The following EML6 variants were observed in gnomAD, a reference collection of about 807,000 sequenced individuals.
EML6 encodes the protein EMAP like 6.
Under a neutral mutation model 240.1 loss-of-function variants are expected in EML6, and 154 were observed. That is an observed-to-expected ratio of 0.64 (90% confidence interval 0.56 to 0.73). The LOEUF (loss-of-function observed/expected upper bound fraction) is 0.73. Ranked by LOEUF, EML6 falls within the 30% of genes least tolerant of loss-of-function variation. EML6 has a pLI of 0.00. For missense variants in EML6, 2,964 were observed against 2,474.6 expected, an observed-to-expected ratio of 1.20 and a Z score of -4.20; for synonymous variants, 1,148 against 899.0, an observed-to-expected ratio of 1.28 and a Z score of -4.95.
chr2:54,801,489 C>T (rs1413036559), intron 2 of EML6, among the ~76,000 whole-genome samples: 2 of 152,176 alleles, frequency 1.3e-5, no homozygotes, highest in Non-Finnish European at 1.5e-5. Context: ...TTTATTCATG[C>T]TTGACTCTCC....
rs767352466 is a variant in EML6, at chr2:54,772,232, C to G, written c.198-41000C>G. Among the ~76,000 whole-genome samples the G allele has an allele frequency of 6.6e-5, 10 of 152,194 alleles. No homozygotes were observed. The South Asian group carries it at 2.1e-3, about 31-fold the overall frequency. ...GTTCATGATTCTTGTGATGAAAGAG[C>G]TTCCAATCTAATAGGAGAAAGTGTT... On this transcript the variant is annotated intron_variant, in intron 2 of 41. Coordinates refer to ENST00000356458, the MANE Select transcript of EML6 (RefSeq NM_001039753.4).
chr2:54,959,036 G>C (rs1676368850), intron 33 of EML6, 68 bp from the exon 34 acceptor site: 1 of 1,430,262 alleles, frequency 7.0e-7, no homozygotes, highest in Non-Finnish European at 9.4e-7. Context: ...CTTAATGAGA[G>C]AACGGGTGGC....
rs540579574 is a variant in EML6 at position 54,788,520 on chromosome 2, GC to G, written c.198-24706del. Among the ~76,000 whole-genome samples, 11 of 152,254 alleles carry G rather than the reference GC, an allele frequency of 7.2e-5. No individual in the cohort carries two copies. The South Asian group carries it at 1.7e-3, about 23-fold the overall frequency. On this transcript the variant is annotated intron_variant, in intron 2 of 41. Transcript: ENST00000356458. ...AGAAACACTATAAACATCTGGGGCC[GC>G]CCCCCGCCCCAGCAGGTCTAGAATC...
At chr2:54,860,238 C>T (rs1015237168) in intron 12 of EML6, among the ~76,000 whole-genome samples, 1 of 152,114 alleles carries the variant, frequency 6.6e-6, no homozygotes, top group African/African-American at 2.4e-5. Flanking sequence ...TCTAGGTTAC[C>T]CGTGGACTGG....
At chr2:54,839,428 T>C (rs1367008471) in intron 7 of EML6, among the ~76,000 whole-genome samples, 1 of 152,204 alleles carries the variant, frequency 6.6e-6, no homozygotes, top group Admixed American at 6.5e-5. Flanking sequence ...ACTTGTCTGA[T>C]GTGACAAAAG....
chr2:54,831,972 A>G (rs947497702), intron 7 of EML6, among the ~76,000 whole-genome samples: 4 of 152,160 alleles, frequency 2.6e-5, no homozygotes, highest in African/African-American at 9.7e-5. Flanking sequence ...TTTGCTTTAA[A>G]CTAATATTTG....
chr2:54,906,805 T>C (rs1451513537), intron 24 of EML6, among the ~76,000 whole-genome samples: 1 of 152,220 alleles, frequency 6.6e-6, no homozygotes, highest in Admixed American at 6.5e-5. Context: ...CCAAAATGCC[T>C]GATCTCGAGA....
Position 54,892,647 on chromosome 2 carries a change from A to C in EML6, c.2733A>C (p.Ala911=), listed in dbSNP as rs1273237804. Residue 911 remains alanine, a synonymous_variant, in exon 19 of 42, where the codon GCA becomes GCC. Transcript: ENST00000356458. ...ATGGGCCTGTGTTTGCTATGTATGC[A>C]CTGGATAAGGTATGGCCTGTGTATC... ...AHDGPVFAMY[A]LDKGFVTGGK... is the part of the protein sequence containing the mutation. 1 of 1,551,104 alleles carries C rather than the reference A, an allele frequency of 6.4e-7. No homozygotes were observed. The highest frequency in any genetic ancestry group is 2.0e-5 in the Admixed American group (1 of 50,978).
chr2:54,956,866 CA>C (rs1227815219), intron 32 of EML6, among the ~76,000 whole-genome samples: 2 of 151,806 alleles, frequency 1.3e-5, no homozygotes, highest in African/African-American at 4.8e-5. Context: ...AGGTTTAAAA[CA>C]AAAATTTAAA....
At chr2:54,810,553 G>C (rs118165244) in intron 2 of EML6, among the ~76,000 whole-genome samples, 1 of 152,190 alleles carries the variant, frequency 6.6e-6, no homozygotes, top group Non-Finnish European at 1.5e-5. Context: ...TAGAAGCTGT[G>C]ATCACAGCAA....
At chr2:54,932,438 C>T (rs1032042690) in intron 28 of EML6, among the ~76,000 whole-genome samples, 4 of 152,190 alleles carry the variant, frequency 2.6e-5, no homozygotes, top group African/African-American at 9.7e-5. Flanking sequence ...CATCCCCAGC[C>T]GACTTGACGC....
chr2:54,927,775 A>G (rs536683455), intron 26 of EML6, among the ~76,000 whole-genome samples: 61 of 152,344 alleles, frequency 4.0e-4, no homozygotes, highest in African/African-American at 9.9e-4. Context: ...CTTTAAATCA[A>G]TGTTTGCGTG....
chr2:54,861,860 A>C (rs1327997355), intron 12 of EML6, among the ~76,000 whole-genome samples: 1 of 151,908 alleles, frequency 6.6e-6, no homozygotes, highest in Non-Finnish European at 1.5e-5. Flanking sequence ...CGAGCAAGAC[A>C]TCTCCAGAAA....
chr2:54,729,532 C>T (rs1683063726), intron 2 of EML6, among the ~76,000 whole-genome samples: 1 of 152,216 alleles, frequency 6.6e-6, no homozygotes, highest in African/African-American at 2.4e-5. Context: ...CTGTTGCTAA[C>T]CCCAGGCTAC....
chr2:54,903,481 C>G lies in EML6; in HGVS notation c.3388C>G (p.His1130Asp). ...ICKGASSYIT[H>D]IDWDSRGKLL... is the part of the protein sequence containing the mutation. ...TAAAGGTGCTTCTAGTTATATTACA[C>G]ACATTGACTGGGACTCTAGAGGTAA... Residue 1130 changes from histidine (H) to aspartate (D), a missense_variant, in exon 24 of 42, where the codon CAC becomes GAC. Coordinates refer to ENST00000356458, the MANE Select transcript of EML6 (RefSeq NM_001039753.4). 1.3e-6 allele frequency: 2 copies of G among 1,551,690 alleles called. No homozygotes were observed. Among genetic ancestry groups the G allele is most frequent in the Non-Finnish European group, 1.7e-6 (2 of 1,146,904 alleles).
rs923592613 is a variant in EML6, at chr2:54,918,290, C to T, written c.3675+1355C>T. ...AAAAAGACAGACTGGAACAATCACA[C>T]GTCAACTCAAGGAACCTCCCCCTCA... On this transcript the variant is annotated intron_variant, in intron 26 of 41. Transcript: ENST00000356458. Among the ~76,000 whole-genome samples, 13 of 152,290 alleles carry T rather than the reference C, an allele frequency of 8.5e-5. No homozygotes were observed. The East Asian group carries it at 1.3e-3, about 16-fold the overall frequency.
At chr2:54,781,174 G>A (rs530739748) in intron 2 of EML6, among the ~76,000 whole-genome samples, 11 of 152,028 alleles carry the variant, frequency 7.2e-5, no homozygotes, top group Non-Finnish European at 1.5e-4. Context: ...TTTTACATGC[G>A]AGGCATAGAA....
rs552049512 is a variant in EML6 at position 54,909,741 on chromosome 2, G to A, written c.3410-1213G>A. Among the ~76,000 whole-genome samples, 122 of 151,618 alleles carry A rather than the reference G, an allele frequency of 8.0e-4. 2 individuals are homozygous for A. The highest frequency in any genetic ancestry group is 2.9e-3 in the African/African-American group (119 of 41,336). On this transcript the variant is annotated intron_variant, in intron 24 of 41. Transcript: ENST00000356458. Reference sequence around the variant, plus strand: ...TGCCTGTAATCCCAGCTACTCAGAAGGCTGAGGCAAGAGAATCGCTTGAAC... The same window carrying A: ...TGCCTGTAATCCCAGCTACTCAGAAAGCTGAGGCAAGAGAATCGCTTGAAC...
Position 54,850,117 on chromosome 2 carries a change from G to A in EML6, c.1343G>A (p.Ser448Asn), listed in dbSNP as rs1433486691. ...AGGTATAAGAAAATTGGAGAATGCAGCAAGTCCCTTAGTTTCATCACGCAT... is the reference window on the plus strand; with the variant it reads ...AGGTATAAGAAAATTGGAGAATGCAACAAGTCCCTTAGTTTCATCACGCAT... ...AQRYKKIGEC[S>N]KSLSFITHID... The change falls in exon 10 of 42, where the codon AGC becomes AAC. Residue 448 changes from serine (S) to asparagine (N), a missense_variant. Physicochemically the swap from Ser to Asn is conservative, Grantham distance 46 (BLOSUM62 1). Coordinates refer to ENST00000356458, the MANE Select transcript of EML6 (RefSeq NM_001039753.4). The A allele has an allele frequency of 6.4e-7, 1 of 1,552,006 alleles. No homozygotes were observed. Among genetic ancestry groups the A allele is most frequent in the East Asian group, 2.4e-5 (1 of 40,920 alleles).
Sources: allele counts gnomAD v4.1 joint callset (sites outside exome capture counted in the v4.1 genomes callset), GRCh38; gene constraint gnomAD v4.1.1; transcripts MANE v1.5; gene names NCBI Gene and HGNC (gene_info 2026-07-23, HGNC 2026-07-21).